Variants in SMCHD1 observed in about 807,000 individuals in gnomAD.
SMCHD1 encodes structural maintenance of chromosomes flexible hinge domain-containing protein 1.
SMCHD1 carries 78 observed loss-of-function variants against 254.7 expected under a neutral mutation model. The observed-to-expected ratio is 0.31, with a 90% CI of 0.26 to 0.37. The LOEUF (loss-of-function observed/expected upper bound fraction) is 0.37, where lower values mean the gene tolerates loss of function less well. SMCHD1 is among the 10% of genes least tolerant of loss of function. The probability of loss-of-function intolerance (pLI) is 1.00; values close to 1 mark genes in which losing one functional copy is unlikely to be tolerated. For missense variants in SMCHD1, 1,840 were observed against 2,408.1 expected, an observed-to-expected ratio of 0.76 and a Z score of 4.94; for synonymous variants, 766 against 794.9, an observed-to-expected ratio of 0.96 and a Z score of 0.61.
chr18:2,729,524 G>T (rs962645232), intron 24 of SMCHD1, 115 bp downstream of exon 24: 1 of 699,806 alleles, frequency 1.4e-6, no homozygotes, highest in Non-Finnish European at 2.2e-6. Flanking sequence ...GGTATTTGTG[G>T]TTCTTTCAGC....
At chr18:2,691,568 C>T (rs557415847) in intron 7 of SMCHD1, 4 of 152,178 alleles carry the variant, frequency 2.6e-5, no homozygotes, top group Non-Finnish European at 5.9e-5. Context: ...CGTGTGAAAA[C>T]TTTTCTCAAT....
At chr18:2,684,700 AGTGTGTGTGTGTGTGT>A (rs71365193) in intron 5 of SMCHD1, among the ~76,000 whole-genome samples, 1 of 115,524 alleles carries the variant, frequency 8.7e-6, no homozygotes, top group Admixed American at 9.1e-5. Context: ...TTGCAGATTC[AGTGTGTGTGTGTGTGT>A]GTGTGTGTGT....
chr18:2,759,146 A>G (rs368244177), intron 34 of SMCHD1, among the ~76,000 whole-genome samples: 3 of 152,098 alleles, frequency 2.0e-5, no homozygotes, highest in African/African-American at 7.2e-5. Context: ...TCTGTCCTTC[A>G]TGTATCTGGT....
rs1043357747 is a variant in SMCHD1 at position 2,688,867 on chromosome 18, C to T, written c.873+120C>T. On this transcript the variant is annotated intron_variant, in intron 7 of 47. Transcript: ENST00000320876. ...TTACCCTTTCCTTTAGTCATAATAACAAAAATGGGCTTTCTCAAGCCAAAA... is the reference window on the plus strand; with the variant it reads ...TTACCCTTTCCTTTAGTCATAATAATAAAAATGGGCTTTCTCAAGCCAAAA... The T allele has an allele frequency of 1.0e-5, 6 of 585,454 alleles. No homozygotes were observed. In the Admixed American group the frequency reaches 1.6e-4, roughly 15 times the overall value. The allele number at this position is 585,454 out of a possible 1,614,324, so 36.3% of individuals were successfully genotyped here.
chr18:2,656,225 C>G lies in SMCHD1; in HGVS notation c.150C>G (p.Arg50=), dbSNP rs139872818. The change falls in exon 1 of 48, where the codon CGC becomes CGG. Residue 50 remains arginine (R), a synonymous_variant. Transcript: ENST00000320876. ...ACCGGCCTCTGCAGGTCGGGGAGCGCTCGGACTACGCGGGATTTCGCGCGT... is the reference window on the plus strand; with the variant it reads ...ACCGGCCTCTGCAGGTCGGGGAGCGGTCGGACTACGCGGGATTTCGCGCGT... The part of the protein sequence containing the change: ...LGDRPLQVGE[R]SDYAGFRACV... 1.6e-4 allele frequency: 244 copies of G among 1,504,236 alleles called. 1 individual carries two copies. The African/African-American group carries it at 3.1e-3, about 19-fold the overall frequency. The allele number at this position is 1,504,236 out of a possible 1,614,324, so 93.2% of individuals were successfully genotyped here.
At chr18:2,734,866 A>G (rs900079318) in intron 25 of SMCHD1, among the ~76,000 whole-genome samples, 3 of 151,946 alleles carry the variant, frequency 2.0e-5, no homozygotes, top group East Asian at 3.9e-4. Context: ...TCAAGAGTTC[A>G]AGACCAGCCT....
Position 2,710,827 on chromosome 18 carries a change from T to G in SMCHD1, c.2260+2907T>G, listed in dbSNP as rs549510423. Among the ~76,000 whole-genome samples the G allele has an allele frequency of 5.3e-5, 8 of 152,340 alleles. No individual in the cohort carries two copies. The East Asian group carries it at 1.2e-3, about 22-fold the overall frequency. On this transcript the variant is annotated intron_variant, in intron 17 of 47. Transcript: ENST00000320876. ...CTGCGGGTCTTATATAAGGCCTTTA[T>G]CATGTTGAAGAAGTTTCTTTCTATT...
At chr18:2,761,215 T>G (rs2075777025) in intron 35 of SMCHD1, among the ~76,000 whole-genome samples, 1 of 152,084 alleles carries the variant, frequency 6.6e-6, no homozygotes, top group Non-Finnish European at 1.5e-5. Flanking sequence ...AAACATTGGG[T>G]ACACACGGAC....
At chr18:2,710,268 A>T (rs1440299274) in intron 17 of SMCHD1, among the ~76,000 whole-genome samples, 1 of 152,208 alleles carries the variant, frequency 6.6e-6, no homozygotes, top group Non-Finnish European at 1.5e-5. Context: ...TCATATGCCC[A>T]TGCTGCACTG....
chr18:2,702,213 A>C (rs1410732790), intron 12 of SMCHD1: 2 of 147,228 alleles, frequency 1.4e-5, no homozygotes, highest in Admixed American at 1.4e-4. Flanking sequence ...TGGCTACTTG[A>C]GAGGCTGAGG....
At chr18:2,665,918 T>C (rs900558057) in intron 1 of SMCHD1, among the ~76,000 whole-genome samples, 2 of 152,148 alleles carry the variant, frequency 1.3e-5, no homozygotes, top group Admixed American at 1.3e-4. Flanking sequence ...ATCACTAGTG[T>C]TCCTAGGTTG....
At chr18:2,728,647 A>G (rs2075072073) in intron 23 of SMCHD1, 51 bp downstream of exon 23, 4 of 1,576,494 alleles carry the variant, frequency 2.5e-6, no homozygotes, top group Middle Eastern at 1.7e-4. Flanking sequence ...GTAAGTGGCA[A>G]TGACTATTTT....
At chr18:2,709,228 A>ATATG (rs1555635606) in intron 17 of SMCHD1, among the ~76,000 whole-genome samples, 69 of 108,908 alleles carry the variant, frequency 6.3e-4, no homozygotes, top group Admixed American at 2.0e-3. Context: ...ATATGTGTAT[A>ATATG]TGTGTATATA....
intron 17 of SMCHD1, among the ~76,000 whole-genome samples, chr18:2,717,341 CAA>C (rs927200037): frequency 6.6e-6 from 1 of 152,112 alleles, no homozygotes; most frequent in African/African-American, 2.4e-5. Flanking sequence ...TCAAAGTATC[CAA>C]AGTTTCTTTT....
chr18:2,688,521 ATT>A lies in SMCHD1; in HGVS notation c.753+15_753+16del. The A allele has an allele frequency of 1.2e-6, 2 of 1,605,892 alleles. No homozygotes were observed. The highest frequency in any genetic ancestry group is 1.7e-6 in the Non-Finnish European group (2 of 1,173,178). ...ACAATCAGCCAGAGTAAGTAAAAAGATTTCTTATAAATGAAAGTTGATCAAAA... is the reference window on the plus strand; with the variant it reads ...ACAATCAGCCAGAGTAAGTAAAAAGATCTTATAAATGAAAGTTGATCAAAA... On this transcript the variant is annotated intron_variant, in intron 6 of 47. Transcript: ENST00000320876.
intron 1 of SMCHD1, among the ~76,000 whole-genome samples, chr18:2,656,591 T>G (rs1430439821): frequency 6.6e-6 from 1 of 152,260 alleles, no homozygotes; most frequent in Non-Finnish European, 1.5e-5. Flanking sequence ...CCCTGCAGTC[T>G]AGGGAAAGCC....
At chr18:2,685,831 G>C (rs1468572432) in intron 5 of SMCHD1, among the ~76,000 whole-genome samples, 3 of 152,176 alleles carry the variant, frequency 2.0e-5, no homozygotes, top group Non-Finnish European at 4.4e-5. Context: ...ATTCTCCACT[G>C]TACAACCATA....
intron 45 of SMCHD1, among the ~76,000 whole-genome samples, chr18:2,787,313 A>G (rs1023707223): frequency 1.3e-5 from 2 of 152,164 alleles, no homozygotes; most frequent in Non-Finnish European, 2.9e-5. Flanking sequence ...TGACCCCAAC[A>G]TTAGGCCTCA....
intron 1 of SMCHD1, among the ~76,000 whole-genome samples, chr18:2,660,481 T>G (rs927695679): frequency 2.0e-5 from 3 of 149,850 alleles, no homozygotes; most frequent in Admixed American, 1.3e-4. Flanking sequence ...GGTTTTTTTT[T>G]TTTTTTTTTT....
Sources: allele counts gnomAD v4.1 joint callset (sites outside exome capture counted in the v4.1 genomes callset), GRCh38; gene constraint gnomAD v4.1.1; transcripts MANE v1.5; gene names NCBI Gene and HGNC (gene_info 2026-07-23, HGNC 2026-07-21).